The following CSMD2 variants were observed in gnomAD, a reference collection of about 807,000 sequenced individuals.
CSMD2 encodes CUB and Sushi multiple domains 2, also known as CUB and sushi domain-containing protein 2.
In CSMD2, 130 loss-of-function variants were observed where a neutral mutation model predicts 398.5. The ratio of observed to expected loss-of-function variants is 0.33; its 90% CI spans 0.28 to 0.38. The LOEUF is 0.38. Ranked by LOEUF, CSMD2 falls within the 10% of genes least tolerant of loss-of-function variation. The pLI, the probability that CSMD2 is intolerant of heterozygous loss-of-function variation, is 1.00. For missense variants in CSMD2, 3,829 were observed against 4,764.9 expected, an observed-to-expected ratio of 0.80 and a Z score of 5.78; for synonymous variants, 1,828 against 1,908.5, an observed-to-expected ratio of 0.96 and a Z score of 1.10.
At chr1:34,156,597 T>C (rs1258713121) in intron 1 of CSMD2, among the ~76,000 whole-genome samples, 3 of 152,216 alleles carry the variant, frequency 2.0e-5, no homozygotes, top group Non-Finnish European at 2.9e-5. Flanking sequence ...ACATAATTTT[T>C]TGAGGTTTAT....
chr1:33,982,429 C>T (rs1356943703), intron 3 of CSMD2, among the ~76,000 whole-genome samples: 2 of 152,182 alleles, frequency 1.3e-5, no homozygotes, highest in Non-Finnish European at 2.9e-5. Context: ...TTGAGAAAGC[C>T]ATTTAACCAC....
rs550880936 is a variant in CSMD2 at position 33,683,064 on chromosome 1, C to T, written c.4052+9866G>A. On this transcript the variant is annotated intron_variant, in intron 25 of 70. Transcript: ENST00000373381. ...GCACTTTGTCTTCCATGTTTGTCTACTTTTCATTACTTAGAGTCTAGCTTG... is the reference window on the plus strand; with the variant it reads ...GCACTTTGTCTTCCATGTTTGTCTATTTTTCATTACTTAGAGTCTAGCTTG... Among the ~76,000 whole-genome samples, 8 of 152,272 alleles carry T rather than the reference C, an allele frequency of 5.3e-5. 1 individual carries two copies. The South Asian group carries it at 1.7e-3, about 32-fold the overall frequency.
chr1:33,661,010 G>A (rs751016314), intron 26 of CSMD2, among the ~76,000 whole-genome samples: 3 of 152,196 alleles, frequency 2.0e-5, no homozygotes, highest in Non-Finnish European at 4.4e-5. Context: ...AGGAGGCAGT[G>A]GCATCTGAGA....
At chr1:34,100,762 T>C (rs1432541994) in intron 1 of CSMD2, among the ~76,000 whole-genome samples, 2 of 152,234 alleles carry the variant, frequency 1.3e-5, no homozygotes, top group Non-Finnish European at 2.9e-5. Context: ...TTTTGTTCCA[T>C]TGTAAATAAG....
chr1:34,016,787 TATAG>T (rs200651463), intron 3 of CSMD2, among the ~76,000 whole-genome samples: 6,360 of 146,402 alleles, frequency 0.043, 163 homozygotes, highest in East Asian at 0.086. Context: ...TACTATTTGA[TATAG>T]ATAGATAGAT....
chr1:33,853,421 A>G (rs982442207), intron 5 of CSMD2, among the ~76,000 whole-genome samples: 3 of 152,234 alleles, frequency 2.0e-5, no homozygotes, highest in Non-Finnish European at 4.4e-5. Context: ...CAATTCTTTT[A>G]AGAGACTCTC....
At chr1:34,143,165 A>C (rs771122158) in intron 1 of CSMD2, among the ~76,000 whole-genome samples, 2 of 152,154 alleles carry the variant, frequency 1.3e-5, no homozygotes, top group Non-Finnish European at 2.9e-5. Flanking sequence ...TAATCATATA[A>C]AAATCTAGCA....
intron 9 of CSMD2, 49 bp from the exon 10 acceptor site, chr1:33,810,913 T>C: frequency 6.3e-7 from 1 of 1,596,588 alleles, no homozygotes; most frequent in Non-Finnish European, 8.5e-7. Flanking sequence ...TAGGTCCAGT[T>C]CCCCTTCTTG....
At chr1:34,023,713 C>T (rs1649243773) in intron 3 of CSMD2, among the ~76,000 whole-genome samples, 3 of 152,152 alleles carry the variant, frequency 2.0e-5, no homozygotes, top group African/African-American at 7.2e-5. Context: ...CCAAATGTCA[C>T]CCTAGATTCT....
chr1:34,159,314 T>C lies in CSMD2; in HGVS notation c.187+5597A>G, dbSNP rs527272321. Among the ~76,000 whole-genome samples, 12 of 143,814 alleles carry C rather than the reference T, an allele frequency of 8.3e-5. No homozygotes were observed. In the East Asian group the frequency reaches 2.5e-3, roughly 30 times the overall value. The allele number at this position is 143,814 out of a possible 152,430, so 94.3% of individuals were successfully genotyped here. On this transcript the variant is annotated intron_variant, in intron 1 of 70. Transcript: ENST00000373381. ...GGTGTTTGGGGCTAGAAACCAAGAATGACTTTACAGCCTGCCCCCCCCCCA... is the reference window on the plus strand; with the variant it reads ...GGTGTTTGGGGCTAGAAACCAAGAACGACTTTACAGCCTGCCCCCCCCCCA...
At chr1:34,116,400 A>T (rs1189631686) in intron 1 of CSMD2, among the ~76,000 whole-genome samples, 2 of 152,102 alleles carry the variant, frequency 1.3e-5, no homozygotes, top group Non-Finnish European at 2.9e-5. Context: ...AGAGACAAAG[A>T]AGACATTGTA....
chr1:33,673,391 C>A (rs538925696), intron 25 of CSMD2, among the ~76,000 whole-genome samples: 1 of 151,872 alleles, frequency 6.6e-6, no homozygotes, highest in Non-Finnish European at 1.5e-5. Context: ...TGAAATGAAG[C>A]GAGAAGAGAA....
intron 1 of CSMD2, among the ~76,000 whole-genome samples, chr1:34,134,063 A>C (rs1468978719): frequency 1.3e-5 from 2 of 151,454 alleles, no homozygotes; most frequent in African/African-American, 4.8e-5. Context: ...AAAAAAAAAA[A>C]AAAAAAAAAA....
At chr1:33,652,218 T>G in intron 28 of CSMD2, 105 bp downstream of exon 28, 2 of 1,191,372 alleles carry the variant, frequency 1.7e-6, no homozygotes, top group Non-Finnish European at 2.4e-6. Flanking sequence ...TCCCTGGAGC[T>G]GAGAACTCTG....
chr1:33,740,600 T>G (rs960690762), intron 14 of CSMD2, among the ~76,000 whole-genome samples: 2 of 152,116 alleles, frequency 1.3e-5, no homozygotes, highest in Non-Finnish European at 2.9e-5. Context: ...TTCAGTTGAG[T>G]GCCCAACACC....
At chr1:33,564,489 C>T (rs1314332322) in intron 53 of CSMD2, among the ~76,000 whole-genome samples, 2 of 152,180 alleles carry the variant, frequency 1.3e-5, no homozygotes, top group African/African-American at 4.8e-5. Flanking sequence ...TTCCTGAGGG[C>T]ATCTGCATGT....
chr1:33,901,291 AT>A (rs1642741855), intron 5 of CSMD2, among the ~76,000 whole-genome samples: 2 of 152,186 alleles, frequency 1.3e-5, no homozygotes, highest in Non-Finnish European at 2.9e-5. Context: ...TTTCCCTTTG[AT>A]GCTGGTGAGA....
chr1:34,053,062 C>A (rs1313012206), intron 2 of CSMD2, among the ~76,000 whole-genome samples: 5 of 152,094 alleles, frequency 3.3e-5, no homozygotes, highest in Non-Finnish European at 7.3e-5. Flanking sequence ...TGGCGAACTA[C>A]TTTTAAACAA....
At chr1:33,572,815 C>A in intron 49 of CSMD2, 124 bp from the exon 50 acceptor site, 2 of 623,666 alleles carry the variant, frequency 3.2e-6, no homozygotes, top group Non-Finnish European at 4.8e-6. Context: ...GGTAAAGTAT[C>A]ATAATAAAAA....
Sources: allele counts gnomAD v4.1 joint callset (sites outside exome capture counted in the v4.1 genomes callset), GRCh38; gene constraint gnomAD v4.1.1; transcripts MANE v1.5; gene names NCBI Gene and HGNC (gene_info 2026-07-23, HGNC 2026-07-21).